Variants in ACSL6 observed in about 807,000 individuals in gnomAD.
ACSL6 encodes long-chain-fatty-acid--CoA ligase 6.
A neutral mutation model predicts 98.2 loss-of-function variants in ACSL6; 47 were observed. That is an observed-to-expected ratio of 0.48 (90% CI 0.38 to 0.61). The LOEUF (loss-of-function observed/expected upper bound fraction) is 0.61. Among genes scored for constraint, ACSL6 ranks in the 20% least tolerant of loss-of-function variants. ACSL6 has a pLI of 0.00. For missense variants in ACSL6, 761 were observed against 913.4 expected, an observed-to-expected ratio of 0.83 and a Z score of 2.15; for synonymous variants, 362 against 336.9, an observed-to-expected ratio of 1.07 and a Z score of -0.82.
At chr5:131,959,416 C>T (rs2149685936) in intron 20 of ACSL6, 120 bp downstream of exon 20, 1 of 1,090,304 alleles carries the variant, frequency 9.2e-7, no homozygotes, top group South Asian at 1.4e-5. Flanking sequence ...CATTGGTACA[C>T]AGCCTGCTGG....
At chr5:131,967,695 A>ATAAT (rs1554112004) in intron 16 of ACSL6, among the ~76,000 whole-genome samples, 23 of 145,520 alleles carry the variant, frequency 1.6e-4, no homozygotes, top group South Asian at 2.2e-4. Flanking sequence ...AATAATAATA[A>ATAAT]TAATTAATTA....
chr5:132,004,378 G>A (rs1267279690), intron 1 of ACSL6, among the ~76,000 whole-genome samples: 1 of 152,190 alleles, frequency 6.6e-6, no homozygotes, highest in African/African-American at 2.4e-5. Context: ...AGCACAGCAA[G>A]ATCTCAAGCA....
At chr5:131,994,355 G>T in intron 1 of ACSL6, 104 bp from the exon 2 acceptor site, 1 of 1,029,568 alleles carries the variant, frequency 9.7e-7, no homozygotes, top group Non-Finnish European at 1.4e-6. Context: ...CTGTAGGGCA[G>T]GCCCTCGGGG....
chr5:131,974,569 G>A lies in ACSL6; in HGVS notation c.1068+324C>T, dbSNP rs979782823. 2.0e-5 allele frequency among the ~76,000 whole-genome samples: 3 copies of A among 152,304 alleles called. 1 individual carries two copies. The South Asian group carries it at 6.2e-4, about 32-fold the overall frequency. On this transcript the variant is annotated intron_variant, in intron 11 of 20. Transcript: ENST00000651883. ...TGGGTAAGACAGGGCAGGCCTGGGG[G>A]CTTCCCTGGAACAATGCTCCCAGGA...
chr5:131,991,777 G>T (rs1217047841), intron 2 of ACSL6, among the ~76,000 whole-genome samples: 5 of 151,816 alleles, frequency 3.3e-5, no homozygotes, highest in Admixed American at 1.3e-4. Flanking sequence ...GCTACCCTGG[G>T]CTGGGCCAGA....
chr5:132,000,093 C>T (rs779007136), intron 1 of ACSL6, among the ~76,000 whole-genome samples: 8 of 151,974 alleles, frequency 5.3e-5, no homozygotes, highest in Non-Finnish European at 7.4e-5. Context: ...ACCATCTACC[C>T]GGGAGATTCT....
At chr5:131,968,232 G>T in intron 15 of ACSL6, 2 of 530,718 alleles carry the variant, frequency 3.8e-6, no homozygotes, top group Non-Finnish European at 6.7e-6. Context: ...CTCTGCCTGG[G>T]CATTTGTTTT....
chr5:131,963,401 C>T (rs548897596), intron 17 of ACSL6, among the ~76,000 whole-genome samples: 5 of 152,332 alleles, frequency 3.3e-5, no homozygotes, highest in African/African-American at 1.2e-4. Context: ...CTTGGAGTAA[C>T]CACCGTTTTC....
At chr5:132,002,692 C>T (rs1274754275) in intron 1 of ACSL6, among the ~76,000 whole-genome samples, 1 of 152,086 alleles carries the variant, frequency 6.6e-6, no homozygotes, top group African/African-American at 2.4e-5. Context: ...GGGTAGAGAA[C>T]AGGGCTATCG....
chr5:131,994,493 C>T (rs898146049), intron 1 of ACSL6: 18 of 520,950 alleles, frequency 3.5e-5, no homozygotes, highest in Admixed American at 1.6e-4. Flanking sequence ...GAGAATCATA[C>T]GCTCAGGCCC....
chr5:132,011,536 G>T lies in ACSL6; in HGVS notation c.18C>A (p.Leu6=). 1.9e-6 allele frequency: 3 copies of T among 1,603,354 alleles called. No individual in the cohort carries two copies. Among genetic ancestry groups the T allele is most frequent in the Non-Finnish European group, 2.6e-6 (3 of 1,175,392 alleles). The change falls in exon 1 of 21, where the codon CTC becomes CTA. Residue 6 remains leucine (L), a synonymous_variant. Coordinates refer to ENST00000651883, the MANE Select transcript of ACSL6 (RefSeq NM_001009185.3). The surrounding 1 kb of genome is among the most constrained non-coding windows in gnomAD (Gnocchi z 5.4). MLTFF[L]VSGGSLWLFV... is the part of the protein sequence containing the mutation. ...ATAGCCAGAGGGAGCCCCCCGACAC[G>T]AGGAAGAAGGTCAGCATGGCGGTCA... is the stretch of plus-strand genomic sequence containing the variant.
intron 6 of ACSL6, 27 bp downstream of exon 6, chr5:131,988,778 G>A (rs767663003): frequency 6.2e-7 from 1 of 1,608,318 alleles, no homozygotes; most frequent in Non-Finnish European, 8.5e-7. Flanking sequence ...AGTTGCCAGT[G>A]GCAGGGTGGG....
chr5:131,970,383 A>G (rs1197883986), intron 14 of ACSL6, among the ~76,000 whole-genome samples, 183 bp from the exon 15 acceptor site: 2 of 151,000 alleles, frequency 1.3e-5, no homozygotes, highest in African/African-American at 2.4e-5. Flanking sequence ...GACAACAAGC[A>G]TGGCCACATT....
In ACSL6 at chr5:131,950,907, G is replaced by A; in HGVS notation, c.*3327C>T. 5.3e-6 allele frequency: 1 copy of A among 189,782 alleles called. No homozygotes were observed. The allele number at this position is 189,782 out of a possible 1,614,324, so 11.8% of individuals were successfully genotyped here. On this transcript the variant is annotated 3_prime_UTR_variant, in exon 21 of 21. Transcript: ENST00000651883. ...TACATGTAGAATGAAAGCATGACTT[G>A]CATAAATGAAGGAGACATAAAATGT...
At position 131,952,312 on chromosome 5, in the gene ACSL6, T is replaced by A. The variant is rs1752197106; in HGVS notation, c.*1922A>T. 9.9e-6 allele frequency: 2 copies of A among 201,846 alleles called. No individual in the cohort carries two copies. The highest frequency in any genetic ancestry group is 6.0e-5 in the Admixed American group (1 of 16,718). 12.5% of individuals were successfully genotyped at this position (201,846 alleles called of 1,614,324 possible). The stretch of plus-strand genomic sequence containing the variant: ...CAACAGTGGGTCTTCAGAGAGAATA[T>A]GCCCAAGAAAAACTGGATAAAAAGA... On this transcript the variant is annotated 3_prime_UTR_variant, in exon 21 of 21. Coordinates refer to ENST00000651883, the MANE Select transcript of ACSL6 (RefSeq NM_001009185.3).
intron 18 of ACSL6, among the ~76,000 whole-genome samples, chr5:131,962,189 G>A (rs1752747097): frequency 3.3e-5 from 5 of 152,016 alleles, no homozygotes; most frequent in Admixed American, 3.3e-4. Context: ...GTGAAAGAGC[G>A]AGACCCTGTC....
rs756578692 is a variant in ACSL6, at chr5:131,990,835, C to T, written c.385+18G>A. ...TGCCACACAGCCCCTCCACACCCCC[C>T]CCCACAACCCTTCTCACCTGAGATG... On this transcript the variant is annotated intron_variant, in intron 3 of 20. Coordinates refer to ENST00000651883, the MANE Select transcript of ACSL6 (RefSeq NM_001009185.3). 5 of 1,611,638 alleles carry T rather than the reference C, an allele frequency of 3.1e-6. No individual in the cohort carries two copies. In the Admixed American group the frequency reaches 6.7e-5, roughly 21 times the overall value.
intron 16 of ACSL6, 70 bp from the exon 17 acceptor site, chr5:131,966,602 G>T: frequency 7.3e-7 from 1 of 1,361,680 alleles, no homozygotes; most frequent in South Asian, 1.2e-5. Flanking sequence ...GCTGTCACCA[G>T]GCATACGGAG....
At chr5:131,977,992 C>A (rs1561790975) in intron 9 of ACSL6, among the ~76,000 whole-genome samples, 1 of 152,202 alleles carries the variant, frequency 6.6e-6, no homozygotes, top group Non-Finnish European at 1.5e-5. Context: ...AACACCCGAG[C>A]TAACTCAGCC....
Sources: allele counts gnomAD v4.1 joint callset (sites outside exome capture counted in the v4.1 genomes callset), GRCh38; gene constraint gnomAD v4.1.1; non-coding constraint Gnocchi (gnomAD v3.1); transcripts MANE v1.5; gene names NCBI Gene and HGNC (gene_info 2026-07-23, HGNC 2026-07-21).